CYTH1: variants seen among roughly 807,000 people sequenced by gnomAD.
CYTH1 encodes cytohesin-1.
In CYTH1, 18 loss-of-function variants were observed where a neutral mutation model predicts 61.8. That is an observed-to-expected ratio of 0.29 (90% CI 0.20 to 0.43). CYTH1 has a LOEUF of 0.43. CYTH1 is among the 20% of genes least tolerant of loss of function. CYTH1 has a pLI of 1.00. For missense variants in CYTH1, 336 were observed against 510.5 expected, an observed-to-expected ratio of 0.66 and a Z score of 3.29; for synonymous variants, 174 against 184.3, an observed-to-expected ratio of 0.94 and a Z score of 0.45.
intron 1 of CYTH1, among the ~76,000 whole-genome samples, chr17:78,766,973 TA>T (rs1349407288): frequency 6.6e-6 from 1 of 152,148 alleles, no homozygotes; most frequent in African/African-American, 2.4e-5. Flanking sequence ...TCCTCACCTA[TA>T]AAATCAGTAC....
chr17:78,705,682 C>T (rs2093058053), intron 3 of CYTH1, among the ~76,000 whole-genome samples: 1 of 152,110 alleles, frequency 6.6e-6, no homozygotes, highest in Non-Finnish European at 1.5e-5. Context: ...ATGGATGGAT[C>T]CTCAGGGATG....
intron 1 of CYTH1, among the ~76,000 whole-genome samples, chr17:78,738,278 C>T (rs1172788420): frequency 6.6e-6 from 1 of 152,170 alleles, no homozygotes; most frequent in African/African-American, 2.4e-5. Context: ...CTCGCCATCC[C>T]CAGATCACAG....
intron 1 of CYTH1, among the ~76,000 whole-genome samples, chr17:78,748,360 G>C (rs558700896): frequency 1.3e-5 from 2 of 152,282 alleles, no homozygotes; most frequent in African/African-American, 4.8e-5. Flanking sequence ...TTAACAAATA[G>C]TTTCAACACA....
At chr17:78,773,754 C>T (rs1183500353) in intron 1 of CYTH1, among the ~76,000 whole-genome samples, 1 of 151,418 alleles carries the variant, frequency 6.6e-6, no homozygotes, top group Non-Finnish European at 1.5e-5. Flanking sequence ...GATCTTTCAT[C>T]TTTAAAAGAA....
rs1327689724 is a variant in CYTH1 at position 78,717,307 on chromosome 17, G to C, written c.23-7575C>G. ...TGCCAGAGGGGCACCCGGAATCCAT[G>C]CCCACAAAGGTTAATCTGCAAGGTG... On this transcript the variant is annotated intron_variant, in intron 1 of 13. Coordinates refer to ENST00000446868, the MANE Select transcript of CYTH1 (RefSeq NM_004762.6). The surrounding 1 kb of genome is among the most constrained non-coding windows in gnomAD (Gnocchi z 4.4). Among the ~76,000 whole-genome samples the C allele has an allele frequency of 2.0e-5, 3 of 152,170 alleles. No homozygotes were observed. The highest frequency in any genetic ancestry group is 7.2e-5 in the African/African-American group (3 of 41,434).
chr17:78,778,656 A>G (rs901673461), intron 1 of CYTH1, among the ~76,000 whole-genome samples: 1 of 151,510 alleles, frequency 6.6e-6, no homozygotes, highest in African/African-American at 2.4e-5. Context: ...AAAAAAAAAA[A>G]AAAAAGAAAG....
intron 1 of CYTH1, among the ~76,000 whole-genome samples, chr17:78,742,477 G>A (rs767197501): frequency 1.3e-5 from 2 of 151,908 alleles, no homozygotes; most frequent in Admixed American, 6.6e-5. Flanking sequence ...CAGGAAGATC[G>A]CTTGAATCTG....
chr17:78,772,258 T>C (rs1252284574), intron 1 of CYTH1, among the ~76,000 whole-genome samples: 2 of 152,158 alleles, frequency 1.3e-5, no homozygotes, highest in African/African-American at 2.4e-5. Context: ...GGCTCTCAAG[T>C]TGAAGTCTTC....
At chr17:78,771,255 C>G (rs1040740602) in intron 1 of CYTH1, among the ~76,000 whole-genome samples, 1 of 152,046 alleles carries the variant, frequency 6.6e-6, no homozygotes, top group Admixed American at 6.6e-5. Context: ...GAGCAAGACC[C>G]TGTCTGAAAA....
At chr17:78,738,188 T>C (rs566111973) in intron 1 of CYTH1, among the ~76,000 whole-genome samples, 45 of 152,310 alleles carry the variant, frequency 3.0e-4, no homozygotes, top group African/African-American at 1.0e-3. Flanking sequence ...ATAGATAACA[T>C]TTATTGCATG....
chr17:78,770,875 C>T (rs2093468586), intron 1 of CYTH1, among the ~76,000 whole-genome samples: 1 of 152,132 alleles, frequency 6.6e-6, no homozygotes, highest in East Asian at 1.9e-4. Context: ...TACCTGTAAT[C>T]CCAGCAGTTT....
Position 78,760,472 on chromosome 17 carries a change from T to C in CYTH1, c.22+21730A>G, listed in dbSNP as rs1472671756. 1.4e-4 allele frequency among the ~76,000 whole-genome samples: 6 copies of C among 43,908 alleles called. 1 individual carries two copies. The highest frequency in any genetic ancestry group is 2.9e-4 in the African/African-American group (3 of 10,474). The allele number at this position is 43,908 out of a possible 152,430, so 28.8% of individuals were successfully genotyped here. ...ATATATATACATACATATATATATGTATATATATGTATGTATATATATATA... is the reference window on the plus strand; with the variant it reads ...ATATATATACATACATATATATATGCATATATATGTATGTATATATATATA... On this transcript the variant is annotated intron_variant, in intron 1 of 13. Transcript: ENST00000446868.
At chr17:78,762,367 TCAGA>T (rs1275889432) in intron 1 of CYTH1, among the ~76,000 whole-genome samples, 1 of 152,162 alleles carries the variant, frequency 6.6e-6, no homozygotes, top group East Asian at 1.9e-4. Context: ...CTTCACGAAG[TCAGA>T]CAAAGTCTAC....
intron 13 of CYTH1, 75 bp downstream of exon 13, chr17:78,680,115 C>A: frequency 6.4e-7 from 1 of 1,572,058 alleles, no homozygotes; most frequent in East Asian, 2.3e-5. Context: ...GCATGTTTAA[C>A]CACTAAGATG....
At chr17:78,748,180 A>G (rs992310573) in intron 1 of CYTH1, among the ~76,000 whole-genome samples, 2 of 152,162 alleles carry the variant, frequency 1.3e-5, no homozygotes, top group Non-Finnish European at 2.9e-5. Flanking sequence ...GCTGACCCAC[A>G]TTTGTGGTAA....
intron 1 of CYTH1, among the ~76,000 whole-genome samples, chr17:78,745,688 T>G (rs2093357054): frequency 6.6e-6 from 1 of 152,060 alleles, no homozygotes; most frequent in African/African-American, 2.4e-5. Flanking sequence ...GGTCAAGAGA[T>G]CTAGACCATC....
intron 2 of CYTH1, among the ~76,000 whole-genome samples, chr17:78,708,562 G>C (rs997856121): frequency 2.6e-5 from 4 of 152,192 alleles, no homozygotes; most frequent in African/African-American, 9.7e-5. Context: ...ACAAAACCTG[G>C]CTGCCTCATC....
intron 1 of CYTH1, among the ~76,000 whole-genome samples, chr17:78,764,422 G>A (rs12944899): frequency 0.021 from 3,143 of 151,876 alleles, 59 homozygotes; most frequent in Non-Finnish European, 0.029. Context: ...CAGCCTCCCA[G>A]AGTGCTAGGG....
chr17:78,736,760 C>A, intron 1 of CYTH1: 1 of 385,278 alleles, frequency 2.6e-6, no homozygotes, highest in Non-Finnish European at 5.5e-6. Flanking sequence ...CCGTTCTGTG[C>A]TTCCAGGAGA....
Sources: allele counts gnomAD v4.1 joint callset (sites outside exome capture counted in the v4.1 genomes callset), GRCh38; gene constraint gnomAD v4.1.1; non-coding constraint Gnocchi (gnomAD v3.1); transcripts MANE v1.5; gene names NCBI Gene and HGNC (gene_info 2026-07-23, HGNC 2026-07-21).